The following ROBO2 variants were observed in gnomAD, a reference collection of about 807,000 sequenced individuals.
The protein encoded by ROBO2 is roundabout guidance receptor 2.
ROBO2 carries 53 observed loss-of-function variants against 160.8 expected under a neutral mutation model. That is an observed-to-expected ratio of 0.33 (90% confidence interval 0.26 to 0.41). The LOEUF (loss-of-function observed/expected upper bound fraction) is 0.41. Among genes scored for constraint, ROBO2 ranks in the 10% least tolerant of loss-of-function variants. The pLI, the probability that ROBO2 is intolerant of heterozygous loss-of-function variation, is 1.00. For synonymous variants in ROBO2, 664 were observed against 611.7 expected (o/e 1.09, Z -1.26); for missense variants, 1,577 against 1,722.4 (o/e 0.92, Z 1.49).
intron 2 of ROBO2, among the ~76,000 whole-genome samples, chr3:76,882,123 T>G (rs2073408413): frequency 6.6e-6 from 1 of 151,362 alleles, no homozygotes; most frequent in South Asian, 2.1e-4. Context: ...TCTGTGTGTG[T>G]GTCTTTTGGG....
chr3:77,492,321 A>G (rs563101535), intron 4 of ROBO2, among the ~76,000 whole-genome samples: 13 of 152,338 alleles, frequency 8.5e-5, no homozygotes, highest in Admixed American at 7.8e-4. Context: ...CTGGACAAGG[A>G]ATGCCAATGT....
chr3:76,261,448 G>T (rs571673630), intron 2 of ROBO2, among the ~76,000 whole-genome samples: 7 of 151,386 alleles, frequency 4.6e-5, no homozygotes, highest in Non-Finnish European at 8.8e-5. Context: ...TTTTGGGGGG[G>T]AACTATACTT....
chr3:76,272,878 ATATTTATATATAAAAATATAATATATAT>A (rs1359013924), intron 2 of ROBO2, among the ~76,000 whole-genome samples: 35 of 55,466 alleles, frequency 6.3e-4, no homozygotes, highest in African/African-American at 1.6e-3. Context: ...TATATAATAT[ATATTTATATATAAAAATATAATATATAT>A]TTATATATAA....
chr3:76,275,649 A>G (rs1031595252), intron 2 of ROBO2, among the ~76,000 whole-genome samples: 1 of 152,200 alleles, frequency 6.6e-6, no homozygotes, highest in African/African-American at 2.4e-5. Context: ...ATCAGATATT[A>G]GTTCATAATT....
intron 2 of ROBO2, among the ~76,000 whole-genome samples, chr3:76,412,234 T>TC (rs139616090): frequency 0.014 from 2,156 of 152,124 alleles, 47 homozygotes; most frequent in African/African-American, 0.049. Flanking sequence ...TCCCCCTGGG[T>TC]CCCTCCCCCT....
Position 76,575,069 on chromosome 3 carries a change from T to G in ROBO2, c.110-522945T>G, listed in dbSNP as rs541345936. Among the ~76,000 whole-genome samples the G allele has an allele frequency of 1.0e-3, 153 of 152,212 alleles. 1 individual carries two copies. The highest frequency in any genetic ancestry group is 3.6e-3 in the African/African-American group (148 of 41,534). ...ATGTTTGTTTTAGATATTAGCCCTC[T>G]TCCTGATTTTGGAAAACATCCAAAA... On this transcript the variant is annotated intron_variant, in intron 2 of 26. Transcript: ENST00000487694.
chr3:76,458,558 G>A (rs745343995), intron 2 of ROBO2, among the ~76,000 whole-genome samples: 6 of 152,116 alleles, frequency 3.9e-5, no homozygotes, highest in Non-Finnish European at 7.3e-5. Flanking sequence ...CAGTTCCAAA[G>A]TTGCTTCCAT....
At chr3:76,793,945 A>C (rs182437255) in intron 2 of ROBO2, among the ~76,000 whole-genome samples, 2 of 152,014 alleles carry the variant, frequency 1.3e-5, no homozygotes, top group Admixed American at 1.3e-4. Flanking sequence ...GAAGAGTTTG[A>C]GATCATTGTC....
intron 2 of ROBO2, among the ~76,000 whole-genome samples, chr3:76,203,236 T>C (rs1284587559): frequency 4.6e-5 from 7 of 152,176 alleles, no homozygotes; most frequent in Non-Finnish European, 1.5e-5. Flanking sequence ...TCAATGGCCT[T>C]CCAGTTGGTT....
At chr3:76,595,840 A>G (rs913302058) in intron 2 of ROBO2, among the ~76,000 whole-genome samples, 1 of 152,052 alleles carries the variant, frequency 6.6e-6, no homozygotes, top group African/African-American at 2.4e-5. Flanking sequence ...TATCCTCCAA[A>G]TTTGGACAAT....
chr3:76,181,153 C>T (rs1345529726), intron 2 of ROBO2, among the ~76,000 whole-genome samples: 1 of 152,020 alleles, frequency 6.6e-6, no homozygotes, highest in African/African-American at 2.4e-5. Context: ...TCCTCATAGC[C>T]ATTATTACAA....
In ROBO2 at chr3:77,004,656, G is replaced by A. The variant is rs572297554; in HGVS notation, c.110-93358G>A. On this transcript the variant is annotated intron_variant, in intron 2 of 26. Transcript: ENST00000487694. ...AACGATTATTGAGAGATGTGTAGCAGAGTCAGAAGGAAGCCCCATTACAGC... is the reference window on the plus strand; with the variant it reads ...AACGATTATTGAGAGATGTGTAGCAAAGTCAGAAGGAAGCCCCATTACAGC... 1.4e-3 allele frequency among the ~76,000 whole-genome samples: 214 copies of A among 152,324 alleles called. 2 individuals are homozygous for A. The highest frequency in any genetic ancestry group is 4.8e-3 in the African/African-American group (198 of 41,576).
intron 1 of ROBO2, among the ~76,000 whole-genome samples, chr3:77,075,134 T>C (rs535998507): frequency 1.3e-5 from 2 of 152,302 alleles, no homozygotes; most frequent in Non-Finnish European, 2.9e-5. Context: ...TCTTTATATA[T>C]CAGCATTATA....
At chr3:77,636,819 C>A (rs570145074) in intron 24 of ROBO2, among the ~76,000 whole-genome samples, 1 of 151,982 alleles carries the variant, frequency 6.6e-6, no homozygotes, top group African/African-American at 2.4e-5. Context: ...TATCCATGTT[C>A]GATAATGAGT....
chr3:77,594,487 A>T, intron 17 of ROBO2, among the ~76,000 whole-genome samples: 1 of 152,170 alleles, frequency 6.6e-6, no homozygotes, highest in East Asian at 1.9e-4. Context: ...TAAGTTCCAT[A>T]GTTACATGGA....
intron 2 of ROBO2, among the ~76,000 whole-genome samples, chr3:76,407,076 T>G (rs1052645492): frequency 6.6e-6 from 1 of 151,700 alleles, no homozygotes; most frequent in African/African-American, 2.4e-5. Context: ...GTTTCTTTTT[T>G]TAGACACACC....
intron 2 of ROBO2, among the ~76,000 whole-genome samples, chr3:77,114,720 C>T (rs1385056415): frequency 6.6e-6 from 1 of 152,092 alleles, no homozygotes; most frequent in Non-Finnish European, 1.5e-5. Context: ...CCTAGTATAT[C>T]AACTAAATTA....
intron 2 of ROBO2, among the ~76,000 whole-genome samples, chr3:76,863,430 C>A (rs539370740): frequency 1.7e-4 from 25 of 144,780 alleles, no homozygotes; most frequent in Middle Eastern, 3.6e-3. Flanking sequence ...AGAGTGAGAA[C>A]CTGTCTCAAA....
chr3:76,409,185 G>T (rs975541011), intron 2 of ROBO2, among the ~76,000 whole-genome samples: 1 of 151,960 alleles, frequency 6.6e-6, no homozygotes, highest in Non-Finnish European at 1.5e-5. Context: ...AAGACTCATG[G>T]AACTTTATAT....
Sources: gnomAD v4.1 joint callset for allele counts (sites outside exome capture counted in the v4.1 genomes callset) on GRCh38, gnomAD v4.1.1 for gene constraint, MANE v1.5 for transcripts, NCBI Gene and HGNC (gene_info 2026-07-23, HGNC 2026-07-21) for gene names.